ARHGAP15: variants seen among roughly 807,000 people sequenced by gnomAD.
The protein encoded by ARHGAP15 is rho GTPase-activating protein 15.
Under a neutral mutation model 63.7 loss-of-function variants are expected in ARHGAP15, and 51 were observed. That is an observed-to-expected ratio of 0.80 (90% CI 0.64 to 1.01). The LOEUF (loss-of-function observed/expected upper bound fraction) is 1.01. Ranked by LOEUF, ARHGAP15 falls within the 50% of genes least tolerant of loss-of-function variation. The pLI, the probability that ARHGAP15 is intolerant of heterozygous loss-of-function variation, is 0.00. For synonymous variants in ARHGAP15, 191 were observed against 193.8 expected, an observed-to-expected ratio of 0.99 and a Z score of 0.12; for missense variants, 560 against 564.6, an observed-to-expected ratio of 0.99 and a Z score of 0.08.
At position 143,753,445 on chromosome 2, in the gene ARHGAP15, G is replaced by T. The variant is rs573859973; in HGVS notation, c.1245-14544G>T. On this transcript the variant is annotated intron_variant, in intron 13 of 13. Transcript: ENST00000295095. ...GTCCCTAAAAGATGAGGCATTTCATGTAGAAATTCTTAGAACAGGTGATCA... is the reference window on the plus strand; with the variant it reads ...GTCCCTAAAAGATGAGGCATTTCATTTAGAAATTCTTAGAACAGGTGATCA... Among the ~76,000 whole-genome samples, 15 of 152,284 alleles carry T rather than the reference G, an allele frequency of 9.9e-5. No individual in the cohort carries two copies. In the South Asian group the frequency reaches 3.1e-3, roughly 32 times the overall value.
chr2:143,469,894 G>A (rs1691432034), intron 8 of ARHGAP15, among the ~76,000 whole-genome samples: 1 of 152,090 alleles, frequency 6.6e-6, no homozygotes, highest in South Asian at 2.1e-4. Flanking sequence ...AGGGGTCTGA[G>A]ACCTCAGCCA....
intron 13 of ARHGAP15, among the ~76,000 whole-genome samples, chr2:143,731,373 T>C (rs1574904300): frequency 6.6e-6 from 1 of 152,212 alleles, no homozygotes; most frequent in African/African-American, 2.4e-5. Context: ...GTGCTTCATT[T>C]TCTTAGCTCT....
intron 11 of ARHGAP15, among the ~76,000 whole-genome samples, chr2:143,598,636 T>C (rs1052383556): frequency 1.3e-5 from 2 of 152,120 alleles, no homozygotes. Flanking sequence ...CTGGGCTCAG[T>C]AGTTCACACC....
chr2:143,169,294 C>A (rs913276276), intron 2 of ARHGAP15, among the ~76,000 whole-genome samples: 1 of 152,030 alleles, frequency 6.6e-6, no homozygotes, highest in East Asian at 1.9e-4. Context: ...CTAGATGGGG[C>A]AAATTCTCCC....
chr2:143,731,365 G>A (rs1685528601), intron 13 of ARHGAP15, among the ~76,000 whole-genome samples: 1 of 152,118 alleles, frequency 6.6e-6, no homozygotes, highest in Admixed American at 6.5e-5. Flanking sequence ...AATTGTTGGT[G>A]CTTCATTTTC....
chr2:143,501,766 G>C (rs1306597856), intron 9 of ARHGAP15, among the ~76,000 whole-genome samples: 1 of 152,234 alleles, frequency 6.6e-6, no homozygotes. Context: ...AGTTCAACTT[G>C]AGATGCCACA....
chr2:143,330,139 C>CAAAAAAAAAAAAAAA (rs1553465099), intron 6 of ARHGAP15, among the ~76,000 whole-genome samples: 12 of 55,526 alleles, frequency 2.2e-4, no homozygotes, highest in South Asian at 7.4e-4. Flanking sequence ...AAACCAAAAA[C>CAAAAAAAAAAAAAAA]AAAAAACTAA....
intron 6 of ARHGAP15, among the ~76,000 whole-genome samples, chr2:143,405,914 T>C (rs1055806627): frequency 1.3e-5 from 2 of 151,992 alleles, no homozygotes; most frequent in African/African-American, 4.8e-5. Context: ...GTCCATAAAG[T>C]CTGGTAATGC....
At chr2:143,368,080 T>C (rs1293598308) in intron 6 of ARHGAP15, among the ~76,000 whole-genome samples, 1 of 152,086 alleles carries the variant, frequency 6.6e-6, no homozygotes, top group Non-Finnish European at 1.5e-5. Context: ...TTAATCTTCA[T>C]ACTTTTCTAT....
intron 10 of ARHGAP15, among the ~76,000 whole-genome samples, chr2:143,552,329 C>T (rs1695601579): frequency 6.6e-6 from 1 of 152,174 alleles, no homozygotes; most frequent in Non-Finnish European, 1.5e-5. Context: ...CTACCTAAAC[C>T]AGTTTTCAAC....
chr2:143,384,864 G>T (rs977156030), intron 6 of ARHGAP15, among the ~76,000 whole-genome samples: 6 of 152,052 alleles, frequency 3.9e-5, no homozygotes, highest in Non-Finnish European at 7.4e-5. Context: ...TATGGGGGTT[G>T]GGGGGAGGAA....
chr2:143,266,028 TAA>T (rs1298550176), intron 6 of ARHGAP15, among the ~76,000 whole-genome samples: 1 of 143,538 alleles, frequency 7.0e-6, no homozygotes, highest in Non-Finnish European at 1.5e-5. Context: ...CTCTAGGTGT[TAA>T]GTGATTTTTT....
chr2:143,358,549 G>A (rs1353836710), intron 6 of ARHGAP15, among the ~76,000 whole-genome samples: 1 of 150,976 alleles, frequency 6.6e-6, no homozygotes, highest in Non-Finnish European at 1.5e-5. Context: ...AAAAGAGGAA[G>A]CATTTATTTT....
intron 6 of ARHGAP15, among the ~76,000 whole-genome samples, chr2:143,377,476 G>A (rs1396337525): frequency 2.0e-5 from 3 of 151,638 alleles, no homozygotes; most frequent in Non-Finnish European, 4.4e-5. Flanking sequence ...TTACATAAGA[G>A]TTACATATTT....
chr2:143,625,146 T>TA (rs2105243049), intron 12 of ARHGAP15, among the ~76,000 whole-genome samples: 1 of 151,970 alleles, frequency 6.6e-6, no homozygotes, highest in East Asian at 1.9e-4. Flanking sequence ...GAAAGAAAGG[T>TA]AAAATTAAAA....
At chr2:143,141,120 A>C (rs141854409) in intron 1 of ARHGAP15, among the ~76,000 whole-genome samples, 134 of 152,092 alleles carry the variant, frequency 8.8e-4, no homozygotes, top group Non-Finnish European at 3.7e-4. Context: ...TGTATGGTGC[A>C]TACATTTGGC....
intron 4 of ARHGAP15, among the ~76,000 whole-genome samples, chr2:143,220,259 G>C (rs1692934080): frequency 6.6e-6 from 1 of 152,038 alleles, no homozygotes; most frequent in African/African-American, 2.4e-5. Flanking sequence ...ATCTCACTCT[G>C]TCACCCAGGC....
At chr2:143,684,358 G>GTGTT (rs960788876) in intron 12 of ARHGAP15, among the ~76,000 whole-genome samples, 1 of 152,142 alleles carries the variant, frequency 6.6e-6, no homozygotes, top group Non-Finnish European at 1.5e-5. Flanking sequence ...GGGGTTAAGG[G>GTGTT]TGTTTCTGCT....
chr2:143,228,457 CTT>C, intron 4 of ARHGAP15, 122 bp from the exon 5 acceptor site: 1 of 497,706 alleles, frequency 2.0e-6, no homozygotes, highest in Non-Finnish European at 3.4e-6. Flanking sequence ...AAAGAGGAGA[CTT>C]TTAGCAAGAC....
Sources: allele counts gnomAD v4.1 joint callset (sites outside exome capture counted in the v4.1 genomes callset), GRCh38; gene constraint gnomAD v4.1.1; transcripts MANE v1.5; gene names NCBI Gene and HGNC (gene_info 2026-07-23, HGNC 2026-07-21).